FBXL18: variants seen among roughly 807,000 people sequenced by gnomAD.
The protein encoded by FBXL18 is F-box and leucine rich repeat protein 18, also known as F-box/LRR-repeat protein 18.
FBXL18 carries 36 observed loss-of-function variants against 46.0 expected under a neutral mutation model. The observed-to-expected ratio is 0.78, with a 90% CI of 0.60 to 1.03. FBXL18 has a LOEUF of 1.03. Ranked by LOEUF, FBXL18 falls within the 50% of genes least tolerant of loss-of-function variation. The pLI is 0.00. For synonymous variants in FBXL18, 557 were observed against 465.3 expected, an observed-to-expected ratio of 1.20 and a Z score of -2.54; for missense variants, 977 against 1,004.1, an observed-to-expected ratio of 0.97 and a Z score of 0.36.
chr7:5,500,452 C>T (rs1397033755), intron 3 of FBXL18, 36 bp downstream of exon 3: 6 of 1,540,496 alleles, frequency 3.9e-6, no homozygotes, highest in Non-Finnish European at 5.3e-6. Context: ...CGCCAGCTTC[C>T]AGCAGAGGCC....
chr7:5,472,720 C>T (rs1380002561), downstream of FBXL18, among the ~76,000 whole-genome samples: 1 of 152,116 alleles, frequency 6.6e-6, no homozygotes, highest in Non-Finnish European at 1.5e-5. Context: ...ACTTCAGTCC[C>T]CAACTGCTGA....
intron 3 of FBXL18, chr7:5,495,999 A>G: frequency 9.4e-6 from 4 of 424,662 alleles, no homozygotes; most frequent in South Asian, 6.8e-5. Context: ...CAGAACCCGC[A>G]GGCCTCTCCG....
chr7:5,472,888 T>C (rs1447939951), downstream of FBXL18, among the ~76,000 whole-genome samples: 2 of 152,178 alleles, frequency 1.3e-5, no homozygotes, highest in Non-Finnish European at 2.9e-5. Context: ...AGAATGTTTC[T>C]GGCTATTGCT....
Position 5,483,484 on chromosome 7 carries a change from C to T in FBXL18, c.2001-1553G>A, listed in dbSNP as rs192066810. On this transcript the variant is annotated intron_variant, in intron 4 of 4. Coordinates refer to ENST00000382368, the MANE Select transcript of FBXL18 (RefSeq NM_024963.6). ...TCGAGGCTGAGCGCAGTGGCTCATG[C>T]CTGTAATCCCAGCACTTTGGGAGGC... 6.4e-3 allele frequency among the ~76,000 whole-genome samples: 974 copies of T among 151,358 alleles called. 9 individuals carry two copies. The highest frequency in any genetic ancestry group is 0.023 in the African/African-American group (945 of 41,166).
At chr7:5,461,813 C>T (rs6978243) in intron 4 of FBXL18, among the ~76,000 whole-genome samples, 5,853 of 152,032 alleles carry the variant, frequency 0.038, 376 homozygotes, top group African/African-American at 0.13. Context: ...TGATGGCGGG[C>T]GCCTGTAGTC....
chr7:5,462,006 T>C (rs1783254583), intron 4 of FBXL18, among the ~76,000 whole-genome samples: 2 of 151,982 alleles, frequency 1.3e-5, no homozygotes, highest in African/African-American at 4.8e-5. Context: ...ATCCCAGCAC[T>C]ATGAGGGACT....
At chr7:5,466,706 C>T (rs911672373) in intron 4 of FBXL18, among the ~76,000 whole-genome samples, 1 of 152,204 alleles carries the variant, frequency 6.6e-6, no homozygotes, top group Non-Finnish European at 1.5e-5. Context: ...CATTATTCTG[C>T]CTCCACAGCC....
At chr7:5,485,148 G>GGGTCAC (rs1783741378) in intron 4 of FBXL18, among the ~76,000 whole-genome samples, 1 of 152,150 alleles carries the variant, frequency 6.6e-6, no homozygotes, top group Non-Finnish European at 1.5e-5. Context: ...CACCCTGAGG[G>GGGTCAC]GGTCACAGGC....
In FBXL18 at chr7:5,505,561, C is replaced by G. The variant is rs1784374141; in HGVS notation, c.88G>C (p.Gly30Arg). ...AGMADGVHLL[G>R]FSDEILLHIL... Reference sequence around the variant, plus strand: ...TGAAGGAGGATCTCATCAGAGAACCCTAGGAGGTGGACCCCGTCTGCCATC... The same window carrying G: ...TGAAGGAGGATCTCATCAGAGAACCGTAGGAGGTGGACCCCGTCTGCCATC... Residue 30 changes from glycine (G) to arginine (R), a missense_variant, in exon 2 of 5, where the codon GGG becomes CGG. Coordinates refer to ENST00000382368, the MANE Select transcript of FBXL18 (RefSeq NM_024963.6). The G allele has an allele frequency of 3.1e-6, 5 of 1,613,914 alleles. No homozygotes were observed. Among genetic ancestry groups the G allele is most frequent in the African/African-American group, 1.3e-5 (1 of 75,022 alleles).
At chr7:5,466,910 C>T (rs568109008) in intron 4 of FBXL18, among the ~76,000 whole-genome samples, 2 of 152,250 alleles carry the variant, frequency 1.3e-5, no homozygotes, top group East Asian at 1.9e-4. Context: ...GGAACGAATG[C>T]GCAACAGAAT....
rs975919529 is a variant in FBXL18, at chr7:5,476,281, G to A, written c.*5494C>T. On this transcript the variant is annotated 3_prime_UTR_variant, in exon 5 of 5. Transcript: ENST00000382368. ...CCAGACACATCAGCACAGCGGTCCA[G>A]GCTCTGGCTCACTCCCCGGGAGGCT... 2.6e-5 allele frequency: 4 copies of A among 152,270 alleles called. No individual in the cohort carries two copies. The highest frequency in any genetic ancestry group is 9.7e-5 in the African/African-American group (4 of 41,400). 9.4% of individuals were successfully genotyped at this position (152,270 alleles called of 1,614,324 possible). A position where few individuals can be genotyped will look rare whatever the true frequency, so the allele number is the denominator to read the frequency against.
intron 4 of FBXL18, among the ~76,000 whole-genome samples, chr7:5,482,521 G>A (rs1399142422): frequency 3.0e-5 from 4 of 131,456 alleles, no homozygotes; most frequent in South Asian, 2.7e-4. Context: ...CCACCCCCAG[G>A]CGACCAGCCC....
rs1323884735 is a variant in FBXL18 at position 5,498,732 on chromosome 7, C to A, written c.1781+1756G>T. ...ACTACAGGTGCCTGCTCCCACGCCC[C>A]GCTAATTTCTGTATGTTTTTGGTAG... On this transcript the variant is annotated intron_variant, in intron 3 of 4. Coordinates refer to ENST00000382368, the MANE Select transcript of FBXL18 (RefSeq NM_024963.6). Among the ~76,000 whole-genome samples the A allele has an allele frequency of 4.6e-5, 7 of 152,182 alleles. No individual in the cohort carries two copies. The South Asian group carries it at 1.5e-3, about 32-fold the overall frequency.
rs1784233940 is a variant in FBXL18, at chr7:5,501,035, GC to G, written c.1233del (p.Leu412CysfsTer68). ...AGGGAGAGGGAGCGCAGGTGACGCA[GC>G]CGGGCCAGGAGCTGGCAGAGGTGGC... ...LGRHLCQLLARLRHLRSLSLP... is the reference protein window; with the variant it reads ...LGRHLCQLLAXLRHLRSLSLP... On this transcript the variant is annotated frameshift_variant, in exon 3 of 5. Coordinates refer to ENST00000382368, the MANE Select transcript of FBXL18 (RefSeq NM_024963.6). LOFTEE classifies it high-confidence loss of function. 6.2e-7 allele frequency: 1 copy of G among 1,605,140 alleles called. No individual in the cohort carries two copies. Among genetic ancestry groups the G allele is most frequent in the South Asian group, 1.1e-5 (1 of 90,658 alleles).
intron 3 of FBXL18, among the ~76,000 whole-genome samples, chr7:5,494,443 T>A (rs1562694900): frequency 6.6e-6 from 1 of 151,986 alleles, no homozygotes; most frequent in Non-Finnish European, 1.5e-5. Context: ...CACAAAAAAA[T>A]AAATAAATAA....
intron 4 of FBXL18, among the ~76,000 whole-genome samples, chr7:5,488,038 C>T (rs1335746084): frequency 2.0e-5 from 3 of 152,248 alleles, no homozygotes; most frequent in Non-Finnish European, 2.9e-5. Context: ...AGCTCAGCGC[C>T]GGGCTCAGCT....
At chr7:5,469,603 CGT>C (rs1390183129) in intron 4 of FBXL18, among the ~76,000 whole-genome samples, 5 of 150,222 alleles carry the variant, frequency 3.3e-5, no homozygotes, top group Non-Finnish European at 5.9e-5. Context: ...GAGATGAGAA[CGT>C]GTGTGGTGTG....
At chr7:5,489,785 GA>G (rs1394477615) in intron 4 of FBXL18, 2 of 290,770 alleles carry the variant, frequency 6.9e-6, no homozygotes, top group Non-Finnish European at 1.4e-5. Flanking sequence ...TCTCAAAAAA[GA>G]AAAAAAGAAA....
chr7:5,480,955 G>C lies in FBXL18; in HGVS notation c.*820C>G, dbSNP rs368580456. ...AATCCTTTCTGGGTTTTAATGTTTC[G>C]CGTTATTCTAACAAAGCCGAATGTG... On this transcript the variant is annotated 3_prime_UTR_variant, in exon 5 of 5. Coordinates refer to ENST00000382368, the MANE Select transcript of FBXL18 (RefSeq NM_024963.6). 1 of 148,856 alleles carries C rather than the reference G, an allele frequency of 6.7e-6. No individual in the cohort carries two copies. The highest frequency in any genetic ancestry group is 1.5e-5 in the Non-Finnish European group (1 of 67,244). 9.2% of individuals were successfully genotyped at this position (148,856 alleles called of 1,614,324 possible).
Sources: gnomAD v4.1 joint callset for allele counts (sites outside exome capture counted in the v4.1 genomes callset) on GRCh38, gnomAD v4.1.1 for gene constraint, MANE v1.5 for transcripts, NCBI Gene and HGNC (gene_info 2026-07-23, HGNC 2026-07-21) for gene names.